Variants in BMP3 observed in about 807,000 individuals in gnomAD.
The protein encoded by BMP3 is bone morphogenetic protein 3 (osteogenic).
BMP3 carries 23 observed loss-of-function variants against 38.1 expected under a neutral mutation model. That is an observed-to-expected ratio of 0.60 (90% CI 0.43 to 0.86). BMP3 has a LOEUF of 0.86. BMP3 is among the 40% of genes least tolerant of loss of function. The probability of loss-of-function intolerance (pLI) is 0.00; values close to 1 mark genes in which losing one functional copy is unlikely to be tolerated. For synonymous variants in BMP3, 258 were observed against 225.7 expected, an observed-to-expected ratio of 1.14 and a Z score of -1.28; for missense variants, 628 against 579.6, an observed-to-expected ratio of 1.08 and a Z score of -0.86.
intron 2 of BMP3, among the ~76,000 whole-genome samples, chr4:81,052,550 G>A (rs897494291): frequency 6.6e-6 from 1 of 152,120 alleles, no homozygotes; most frequent in African/African-American, 2.4e-5. Context: ...GGTATCCATA[G>A]GATAACTTTA....
chr4:81,047,664 T>C (rs1270276486), intron 2 of BMP3, among the ~76,000 whole-genome samples: 1 of 152,184 alleles, frequency 6.6e-6, no homozygotes, highest in Non-Finnish European at 1.5e-5. Flanking sequence ...AAAAAATCCT[T>C]TGTCTCAACA....
chr4:81,044,629 A>G (rs1740181228), intron 1 of BMP3, among the ~76,000 whole-genome samples: 1 of 152,222 alleles, frequency 6.6e-6, no homozygotes, highest in South Asian at 2.1e-4. Flanking sequence ...GTTTCTTTTC[A>G]TTAGCCCCTC....
At position 81,042,546 on chromosome 4, in the gene BMP3, A is replaced by G. The variant is rs114260221; in HGVS notation, c.317-3192A>G. ...TAAAATGAGAGCCATTGGAAGAGGC[A>G]GTAAGACAGATTCTGAGACTTTTAC... On this transcript the variant is annotated intron_variant, in intron 1 of 2. Transcript: ENST00000282701. Among the ~76,000 whole-genome samples, 862 of 152,368 alleles carry G rather than the reference A, an allele frequency of 5.7e-3. 4 individuals carry two copies. Among genetic ancestry groups the G allele is most frequent in the African/African-American group, 0.02 (819 of 41,596 alleles).
At chr4:81,043,056 G>A (rs1403716842) in intron 1 of BMP3, among the ~76,000 whole-genome samples, 1 of 152,172 alleles carries the variant, frequency 6.6e-6, no homozygotes, top group Admixed American at 6.5e-5. Context: ...CACTTCCCTT[G>A]TGCTTGGGGA....
chr4:81,042,810 C>T (rs924545952), intron 1 of BMP3, among the ~76,000 whole-genome samples: 7 of 152,166 alleles, frequency 4.6e-5, no homozygotes, highest in Admixed American at 1.3e-4. Flanking sequence ...AGAGTGGCTT[C>T]TCTTCCTTCC....
rs1360725004 is a variant in BMP3, at chr4:81,045,993, A to T, written c.572A>T (p.His191Leu). Residue 191 changes from histidine (H) to leucine (L), a missense_variant, in exon 2 of 3, where the codon CAT becomes CTT. By Grantham distance (99) the His-to-Leu change is moderately conservative. Coordinates refer to ENST00000282701, the MANE Select transcript of BMP3 (RefSeq NM_001201.5). The part of the protein sequence containing the change: ...GHLSVDMAKS[H>L]RDIMSWLSKD... ...CTGTCAGTGGATATGGCCAAATCTC[A>T]TCGAGATATTATGTCCTGGCTGTCT... is the stretch of plus-strand genomic sequence containing the variant. The T allele has an allele frequency of 2.6e-5, 42 of 1,609,782 alleles. No individual in the cohort carries two copies. The highest frequency in any genetic ancestry group is 3.3e-5 in the Non-Finnish European group (39 of 1,176,316).
At position 81,045,741 on chromosome 4, in the gene BMP3, C is replaced by T. The variant is rs769683139; in HGVS notation, c.320C>T (p.Thr107Ile). Residue 107 changes from threonine (T) to isoleucine (I), a missense_variant, in exon 2 of 3, where the codon ACT becomes ATT. Coordinates refer to ENST00000282701, the MANE Select transcript of BMP3 (RefSeq NM_001201.5). ...TCTCTTTCTTTTTCCTTCCTAGAAA[C>T]TCTTGAAAGAAAAGGACTGTATATC... ...VRSFRAAAAE[T>I]LERKGLYIFN... is the part of the protein sequence containing the mutation. The T allele has an allele frequency of 3.8e-6, 6 of 1,578,236 alleles. No individual in the cohort carries two copies. In the South Asian group the frequency reaches 7.1e-5, roughly 19 times the overall value.
chr4:81,032,301 AC>A (rs1202743288), intron 1 of BMP3, among the ~76,000 whole-genome samples: 1 of 149,492 alleles, frequency 6.7e-6, no homozygotes, highest in Non-Finnish European at 1.5e-5. Flanking sequence ...GAGCTGGGAG[AC>A]AAGGGGAGGG....
At chr4:81,046,741 A>G in intron 2 of BMP3, 93 bp downstream of exon 2, 2 of 1,430,570 alleles carry the variant, frequency 1.4e-6, no homozygotes, top group East Asian at 2.3e-5. Flanking sequence ...GGGTTTGTGT[A>G]AGTGTTTGTG....
Position 81,031,298 on chromosome 4 carries a change from G to A in BMP3, c.14G>A (p.Ser5Asn). 6.2e-7 allele frequency: 1 copy of A among 1,605,138 alleles called. No homozygotes were observed. Among genetic ancestry groups the A allele is most frequent in the Non-Finnish European group, 8.5e-7 (1 of 1,175,634 alleles). The change falls in exon 1 of 3, where the codon AGC (serine) becomes AAC (asparagine). Residue 5 changes from serine to asparagine, a missense_variant. Coordinates refer to ENST00000282701, the MANE Select transcript of BMP3 (RefSeq NM_001201.5). Reference protein sequence around the residue: MAGASRLLFLWLGCF... With the variant: MAGANRLLFLWLGCF... ...GGGTACCTAGCCATGGCTGGGGCGA[G>A]CAGGCTGCTCTTTCTGTGGCTGGGC...
In BMP3 at chr4:81,031,414, G is replaced by T. The variant is rs1307333565; in HGVS notation, c.130G>T (p.Gly44Cys). The T allele has an allele frequency of 6.2e-7, 1 of 1,613,694 alleles. No homozygotes were observed. The highest frequency in any genetic ancestry group is 1.7e-5 in the Admixed American group (1 of 60,018). ...KAVPGDRTAGGGPDSELQPQD... is the reference protein window; with the variant it reads ...KAVPGDRTAGCGPDSELQPQD... ...TGTGCCAGGTGACCGCACGGCAGGT[G>T]GTGGCCCGGACTCCGAGCTGCAGCC... The change falls in exon 1 of 3, where the codon GGT becomes TGT. Residue 44 changes from glycine (G) to cysteine (C), a missense_variant. Physicochemically the swap from Gly to Cys is radical, Grantham distance 159. Transcript: ENST00000282701.
chr4:81,032,190 G>C (rs1344479796), intron 1 of BMP3, among the ~76,000 whole-genome samples: 1 of 46,540 alleles, frequency 2.1e-5, no homozygotes, highest in Non-Finnish European at 3.5e-5. Context: ...TAGTTCCTTA[G>C]TGGCAAAAAA....
At chr4:81,047,384 C>T (rs1159657939) in intron 2 of BMP3, among the ~76,000 whole-genome samples, 1 of 152,086 alleles carries the variant, frequency 6.6e-6, no homozygotes, top group East Asian at 1.9e-4. Flanking sequence ...GTCTCTCCAA[C>T]CCCCACCTCC....
chr4:81,043,691 G>A (rs1252766405), intron 1 of BMP3, among the ~76,000 whole-genome samples: 1 of 149,614 alleles, frequency 6.7e-6, no homozygotes, highest in African/African-American at 2.5e-5. Context: ...AGACTCAAGC[G>A]ATTCTCCTGC....
Position 81,030,742 on chromosome 4 carries a change from C to T in BMP3, c.-543C>T, listed in dbSNP as rs1328893984. ...TCATACACACACACACACGCACACA[C>T]GCGCGCGCGCGCGCGCACACACACA... On this transcript the variant is annotated 5_prime_UTR_variant, in exon 1 of 3. It adds an upstream start codon to the 5' untranslated region. Transcript: ENST00000282701. Among the ~76,000 whole-genome samples, 1 of 150,148 alleles carries T rather than the reference C, an allele frequency of 6.7e-6. No individual in the cohort carries two copies. The highest frequency in any genetic ancestry group is 2.5e-5 in the African/African-American group (1 of 40,584).
At chr4:81,032,139 C>T (rs1416041616) in intron 1 of BMP3, among the ~76,000 whole-genome samples, 2 of 143,118 alleles carry the variant, frequency 1.4e-5, no homozygotes, top group African/African-American at 2.7e-5. Flanking sequence ...TCCTAATTCG[C>T]GCCCTTTGTG....
intron 2 of BMP3, among the ~76,000 whole-genome samples, chr4:81,051,424 T>G (rs1465075196): frequency 6.6e-6 from 1 of 152,176 alleles, no homozygotes; most frequent in Non-Finnish European, 1.5e-5. Flanking sequence ...AGGTCTCATC[T>G]AATTAAGTTG....
chr4:81,032,226 G>A (rs1739799871), intron 1 of BMP3, among the ~76,000 whole-genome samples: 2 of 112,534 alleles, frequency 1.8e-5, no homozygotes, highest in Admixed American at 9.0e-5. Context: ...AAAAACAGGT[G>A]CTTGGGTGTT....
In BMP3 at chr4:81,055,895, A is replaced by G. The variant is rs531013234; in HGVS notation, c.*2359A>G. ...AACTTGGGTAATCTCTTAGCAATGG[A>G]AATAGGTTTTAACCAGCAGTTTTTC... On this transcript the variant is annotated 3_prime_UTR_variant, in exon 3 of 3. Transcript: ENST00000282701. 1 of 152,302 alleles carries G rather than the reference A, an allele frequency of 6.6e-6. No homozygotes were observed. The highest frequency in any genetic ancestry group is 2.4e-5 in the African/African-American group (1 of 41,580). 9.4% of individuals were successfully genotyped at this position (152,302 alleles called of 1,614,324 possible).
Sources: gnomAD v4.1 joint callset for allele counts (sites outside exome capture counted in the v4.1 genomes callset) on GRCh38, gnomAD v4.1.1 for gene constraint, MANE v1.5 for transcripts, NCBI Gene and HGNC (gene_info 2026-07-23, HGNC 2026-07-21) for gene names.